APC: variants seen among roughly 807,000 people sequenced by gnomAD.
APC encodes APC regulator of Wnt signaling pathway.
Under a neutral mutation model 247.0 loss-of-function variants are expected in APC, and 72 were observed. The observed-to-expected ratio is 0.29, with a 90% confidence interval of 0.24 to 0.35. The LOEUF is 0.35. Among genes scored for constraint, APC ranks in the 10% least tolerant of loss-of-function variants. The probability of loss-of-function intolerance (pLI) is 1.00; values close to 1 mark genes in which losing one functional copy is unlikely to be tolerated. For missense variants in APC, 3,400 were observed against 3,360.7 expected (o/e 1.01, Z -0.29); for synonymous variants, 1,254 against 1,162.5 (o/e 1.08, Z -1.60).
intron 8 of APC, chr5:112,810,314 A>T (rs961879405): frequency 6.4e-5 from 16 of 251,536 alleles, no homozygotes; most frequent in South Asian, 4.6e-4. Context: ...ATACGCAGGT[A>T]ATTTTAAGGT....
chr5:112,768,587 A>G (rs1756641442), intron 4 of APC, among the ~76,000 whole-genome samples: 1 of 151,454 alleles, frequency 6.6e-6, no homozygotes, highest in South Asian at 2.1e-4. Context: ...TTCTACACAT[A>G]TAATTTATTG....
intron 1 of APC, among the ~76,000 whole-genome samples, chr5:112,725,354 A>G (rs1469499537): frequency 6.6e-6 from 1 of 152,158 alleles, no homozygotes; most frequent in Non-Finnish European, 1.5e-5. Flanking sequence ...ACAGTAAGAG[A>G]GTGCCACTCG....
chr5:112,794,139 C>G (rs1015115501), intron 7 of APC, among the ~76,000 whole-genome samples: 34 of 152,162 alleles, frequency 2.2e-4, no homozygotes, highest in African/African-American at 7.5e-4. Flanking sequence ...GTCACCCAGG[C>G]TGGAGTGCAG....
rs1060503277 is a variant in APC at position 112,843,582 on chromosome 5, A to G, written c.7988A>G (p.Asp2663Gly). ...GAGGATGTTTGGGTGAGAATTGAGG[A>G]CTGTCCCATTAACAATCCTAGATCT... ...KTEDVWVRIE[D>G]CPINNPRSGR... The change falls in exon 16 of 16, where the codon GAC becomes GGC. Residue 2663 changes from aspartate (D) to glycine (G), a missense_variant. By Grantham distance (94) the Asp-to-Gly change is moderately conservative (BLOSUM62 -1). Transcript: ENST00000257430. This position sits in a 1 kb window ranked among gnomAD's most constrained non-coding sequence, Gnocchi z 4.8. The G allele has an allele frequency of 6.2e-7, 1 of 1,614,046 alleles. No homozygotes were observed. The highest frequency in any genetic ancestry group is 8.5e-7 in the Non-Finnish European group (1 of 1,179,932).
intron 1 of APC, among the ~76,000 whole-genome samples, chr5:112,712,292 T>C (rs922643527): frequency 6.6e-6 from 1 of 152,178 alleles, no homozygotes; most frequent in African/African-American, 2.4e-5. Context: ...TGTATATGTC[T>C]ATCTTATATA....
intron 1 of APC, among the ~76,000 whole-genome samples, chr5:112,713,014 T>TA (rs1750946793): frequency 6.6e-6 from 1 of 151,644 alleles, no homozygotes; most frequent in South Asian, 2.1e-4. Flanking sequence ...CTACTAAAAA[T>TA]AAAAAAATTA....
rs392179 is a variant in APC, at chr5:112,775,373, G to A, written c.423-256G>A. ...GACTATAAATATGAAGAAAGCCTTT[G>A]GTGAAGTGTAAGTATTCTTTTAAGG... On this transcript the variant is annotated intron_variant, in intron 4 of 15. Coordinates refer to ENST00000257430, the MANE Select transcript of APC (RefSeq NM_000038.6). 0.98 allele frequency among the ~76,000 whole-genome samples: 149,470 copies of A among 152,224 alleles called. 73,445 individuals are homozygous for A. The highest frequency in any genetic ancestry group is 1 in the Middle Eastern group (294 of 294).
intron 2 of APC, among the ~76,000 whole-genome samples, chr5:112,755,832 G>A (rs891200726): frequency 3.3e-5 from 5 of 152,038 alleles, no homozygotes; most frequent in East Asian, 3.9e-4. Context: ...TACTTCCACC[G>A]GGTGTGATGG....
intron 1 of APC, among the ~76,000 whole-genome samples, chr5:112,748,474 G>A (rs546962886): frequency 3.2e-4 from 48 of 152,180 alleles, no homozygotes; most frequent in Non-Finnish European, 5.7e-4. Context: ...ATTTTACTGT[G>A]TGAATTAGGA....
Position 112,767,192 on chromosome 5 carries a change from T to C in APC, c.224T>C (p.Leu75Pro), listed in dbSNP as rs995081817. 2 of 1,613,198 alleles carry C rather than the reference T, an allele frequency of 1.2e-6. No homozygotes were observed. Among genetic ancestry groups the C allele is most frequent in the Non-Finnish European group, 1.7e-6 (2 of 1,179,108 alleles). ...QIDLLERLKE[L>P]NLDSSNFPGV... ...AACTTGTTTCTATTTTATTTAGAGC[T>C]TAACTTAGATAGCAGTAATTTCCCT... Residue 75 changes from leucine (L) to proline (P), a missense_variant, in exon 4 of 16, where the codon CTT (leucine) becomes CCT (proline). By Grantham distance (98) the Leu-to-Pro change is moderately conservative. Coordinates refer to ENST00000257430, the MANE Select transcript of APC (RefSeq NM_000038.6).
chr5:112,801,248 G>T (rs1760784573), intron 7 of APC, 31 bp from the exon 8 acceptor site: 1 of 1,579,824 alleles, frequency 6.3e-7, no homozygotes, highest in Non-Finnish European at 8.7e-7. Context: ...CACCATTTTT[G>T]CATGTACTGA....
chr5:112,809,506 A>G (rs1208513603), intron 8 of APC, among the ~76,000 whole-genome samples: 3 of 152,120 alleles, frequency 2.0e-5, no homozygotes, highest in African/African-American at 4.8e-5. Flanking sequence ...TAAAATTCCA[A>G]AGCAGTAGAA....
intron 8 of APC, among the ~76,000 whole-genome samples, chr5:112,810,886 G>A (rs1489240909): frequency 6.6e-6 from 1 of 152,138 alleles, no homozygotes; most frequent in Non-Finnish European, 1.5e-5. Context: ...TTAGCCAGGA[G>A]TGGTGGCACA....
intron 1 of APC, among the ~76,000 whole-genome samples, chr5:112,751,613 T>C (rs1183401956): frequency 6.6e-6 from 1 of 151,992 alleles, no homozygotes; most frequent in Non-Finnish European, 1.5e-5. Flanking sequence ...TTCTGTCTGG[T>C]TTCTCTCCCC....
Position 112,840,657 on chromosome 5 carries a change from A to G in APC, c.5063A>G (p.Asp1688Gly), listed in dbSNP as rs1452639208. Residue 1688 changes from aspartate (D) to glycine (G), a missense_variant, in exon 16 of 16, where the codon GAT becomes GGT. Physicochemically the swap from Asp to Gly is moderately conservative, Grantham distance 94 (BLOSUM62 -1). This residue lies in a region of APC where 1,788 missense variants were observed against 1,649.5 expected (regional missense o/e 1.08). Coordinates refer to ENST00000257430, the MANE Select transcript of APC (RefSeq NM_000038.6). This position sits in a 1 kb window ranked among gnomAD's most constrained non-coding sequence, Gnocchi z 4.1. ...GAQSGEFEKRDTIPTEGRSTD... is the reference protein window; with the variant it reads ...GAQSGEFEKRGTIPTEGRSTD... ...CAGTCAGGTGAATTTGAAAAACGAG[A>G]TACCATTCCTACAGAAGGCAGAAGT... 1 of 1,614,036 alleles carries G rather than the reference A, an allele frequency of 6.2e-7. No individual in the cohort carries two copies. Among genetic ancestry groups the G allele is most frequent in the Admixed American group, 1.7e-5 (1 of 59,998 alleles).
At chr5:112,782,920 G>A (rs2149650010) in intron 6 of APC, among the ~76,000 whole-genome samples, 1 of 152,180 alleles carries the variant, frequency 6.6e-6, no homozygotes, top group South Asian at 2.1e-4. Context: ...AAAATACATT[G>A]CATTTTACAT....
At chr5:112,821,069 A>T (rs1254767570) in intron 10 of APC, among the ~76,000 whole-genome samples, 2 of 138,616 alleles carry the variant, frequency 1.4e-5, no homozygotes, top group African/African-American at 5.5e-5. Context: ...GGGTTTTGCC[A>T]TGTTTCCCAG....
Position 112,840,295 on chromosome 5 carries a change from A to C in APC, c.4701A>C (p.Ser1567=). The C allele has an allele frequency of 6.2e-7, 1 of 1,614,174 alleles. No homozygotes were observed. Among genetic ancestry groups the C allele is most frequent in the Non-Finnish European group, 8.5e-7 (1 of 1,179,992 alleles). ...IDSEKDLLDD[S]DDDDIEILEE... Reference sequence around the variant, plus strand: ...CTGAAAAGGACCTATTAGATGATTCAGATGATGATGATATTGAAATACTAG... The same window carrying C: ...CTGAAAAGGACCTATTAGATGATTCCGATGATGATGATATTGAAATACTAG... The change falls in exon 16 of 16, where the codon TCA becomes TCC. Residue 1567 remains serine, a synonymous_variant. Coordinates refer to ENST00000257430, the MANE Select transcript of APC (RefSeq NM_000038.6). The surrounding 1 kb of genome is among the most constrained non-coding windows in gnomAD (Gnocchi z 4.1).
chr5:112,763,970 G>T (rs1755965053), intron 2 of APC, among the ~76,000 whole-genome samples: 1 of 152,098 alleles, frequency 6.6e-6, no homozygotes, highest in African/African-American at 2.4e-5. Context: ...GGGCGCGGTG[G>T]CTCACGCCTG....
Sources: gnomAD v4.1 joint callset for allele counts (sites outside exome capture counted in the v4.1 genomes callset) on GRCh38, gnomAD v4.1.1 for gene constraint, gnomAD v4.1.1 regional missense constraint, Gnocchi (gnomAD v3.1) non-coding constraint, MANE v1.5 for transcripts, NCBI Gene and HGNC (gene_info 2026-07-23, HGNC 2026-07-21) for gene names.